C6orf132: variants seen among roughly 807,000 people sequenced by gnomAD.
C6orf132 encodes the protein chromosome 6 open reading frame 132.
In C6orf132, 43 loss-of-function variants were observed where a neutral mutation model predicts 65.3. The ratio of observed to expected loss-of-function variants is 0.66; its 90% CI spans 0.52 to 0.85. The LOEUF (loss-of-function observed/expected upper bound fraction) is 0.85, where lower values mean the gene tolerates loss of function less well. C6orf132 is among the 40% of genes least tolerant of loss of function. The probability of loss-of-function intolerance (pLI) is 0.00; values close to 1 mark genes in which losing one functional copy is unlikely to be tolerated. For missense variants in C6orf132, 1,488 were observed against 1,548.8 expected (o/e 0.96, Z 0.66); for synonymous variants, 631 against 654.1 (o/e 0.96, Z 0.54).
At position 42,103,135 on chromosome 6, in the gene C6orf132, G is replaced by A. The variant is rs943467156; in HGVS notation, c.*626C>T. 15 of 398,578 alleles carry A rather than the reference G, an allele frequency of 3.8e-5. No homozygotes were observed. Among genetic ancestry groups the A allele is most frequent in the African/African-American group, 1.0e-4 (5 of 48,634 alleles). 24.7% of individuals were successfully genotyped at this position (398,578 alleles called of 1,614,324 possible). On this transcript the variant is annotated 3_prime_UTR_variant, in exon 5 of 5. Transcript: ENST00000341865. ...AATGCAAAGGGCTTCCATTCCACAT[G>A]TGGGAGCTTCACTCCCCACCCCACA... is the stretch of plus-strand genomic sequence containing the variant.
intron 1 of C6orf132, 41 bp from the exon 2 acceptor site, chr6:42,128,819 C>T: frequency 1.4e-6 from 2 of 1,463,208 alleles, no homozygotes; most frequent in Non-Finnish European, 1.9e-6. Context: ...GCTGGAGATC[C>T]AAGGCATCCG....
At chr6:42,111,693 G>A (rs1450104992) in intron 2 of C6orf132, among the ~76,000 whole-genome samples, 2 of 152,172 alleles carry the variant, frequency 1.3e-5, no homozygotes, top group African/African-American at 2.4e-5. Context: ...CCAAAGTGTG[G>A]GGATAACAGG....
At chr6:42,125,601 G>T (rs978351202) in intron 2 of C6orf132, among the ~76,000 whole-genome samples, 1 of 152,192 alleles carries the variant, frequency 6.6e-6, no homozygotes, top group Admixed American at 6.5e-5. Flanking sequence ...TTCACCATGT[G>T]TCCATTCTTT....
chr6:42,126,847 C>CAAAAAAAA, intron 2 of C6orf132: 1 of 347,268 alleles, frequency 2.9e-6, no homozygotes, highest in South Asian at 6.8e-5. Flanking sequence ...ACTCAGTCTG[C>CAAAAAAAA]AAAAAAAAAA....
intron 2 of C6orf132, among the ~76,000 whole-genome samples, chr6:42,115,916 TTTTTTC>T (rs1158350802): frequency 5.4e-5 from 8 of 147,592 alleles, no homozygotes; most frequent in East Asian, 4.0e-4. Flanking sequence ...TTTTTTTTTC[TTTTTTC>T]TTTTTCTTTT....
intron 3 of C6orf132, among the ~76,000 whole-genome samples, chr6:42,108,774 C>T (rs972790218): frequency 3.9e-5 from 6 of 152,106 alleles, no homozygotes; most frequent in Admixed American, 1.3e-4. Context: ...CCAGAGTCTA[C>T]TTCCTTCTTA....
At chr6:42,126,401 T>G (rs113099010) in intron 2 of C6orf132, 22,690 of 151,614 alleles carry the variant, frequency 0.15, 1,811 homozygotes, top group South Asian at 0.24. Context: ...TTATTTGTTT[T>G]TTTTTTTTTA....
intron 3 of C6orf132, among the ~76,000 whole-genome samples, chr6:42,109,356 C>T (rs753453543): frequency 5.3e-5 from 8 of 152,178 alleles, no homozygotes; most frequent in South Asian, 2.1e-4. Flanking sequence ...TGCTTGAACC[C>T]GGGAGGCAGA....
chr6:42,103,764 G>A lies in C6orf132; in HGVS notation c.3564C>T (p.Ser1188=), dbSNP rs769717670. ...TAGAGCTAAGAGAACCCCTGGCTCAGGAGGTGGCTTTCCGATGGGCCCCTG... is the reference window on the plus strand; with the variant it reads ...TAGAGCTAAGAGAACCCCTGGCTCAAGAGGTGGCTTTCCGATGGGCCCCTG... ...VCSGAHRKAT[S] The change falls in exon 5 of 5, where the codon TCC becomes TCT. Residue 1188 remains serine (S), a synonymous_variant. Coordinates refer to ENST00000341865, the MANE Select transcript of C6orf132 (RefSeq NM_001164446.3). 4.1e-5 allele frequency: 58 copies of A among 1,413,966 alleles called. No homozygotes were observed. In the South Asian group the frequency reaches 8.4e-4, roughly 20 times the overall value. 87.6% of individuals were successfully genotyped at this position (1,413,966 alleles called of 1,614,324 possible). A position where few individuals can be genotyped will look rare whatever the true frequency, so the allele number is the denominator to read the frequency against.
chr6:42,111,062 C>A (rs1263158808), intron 2 of C6orf132, among the ~76,000 whole-genome samples: 2 of 152,104 alleles, frequency 1.3e-5, no homozygotes, highest in Non-Finnish European at 2.9e-5. Context: ...TCAGCCTGGC[C>A]TCCTGTGTGT....
Position 42,113,885 on chromosome 6 carries a change from T to C in C6orf132, c.253-3594A>G, listed in dbSNP as rs910833909. Among the ~76,000 whole-genome samples the C allele has an allele frequency of 5.3e-5, 8 of 151,944 alleles. No homozygotes were observed. The South Asian group carries it at 1.0e-3, about 20-fold the overall frequency. On this transcript the variant is annotated intron_variant, in intron 2 of 4. Transcript: ENST00000341865. Reference sequence around the variant, plus strand: ...CAATAGTTCCTACTTTGCAGGGCTATTATGAGAATCAAATGAGATAATATC... The same window carrying C: ...CAATAGTTCCTACTTTGCAGGGCTACTATGAGAATCAAATGAGATAATATC...
At chr6:42,141,854 G>GA (rs1767037184) in intron 1 of C6orf132, among the ~76,000 whole-genome samples, 1 of 152,204 alleles carries the variant, frequency 6.6e-6, no homozygotes, top group Non-Finnish European at 1.5e-5. Context: ...TGCAAAGGGT[G>GA]AGGGAGGAGT....
In C6orf132 at chr6:42,108,494, ACCT is replaced by A. The variant is rs1173597987; in HGVS notation, c.329-914_329-912del. Among the ~76,000 whole-genome samples, 4 of 152,050 alleles carry A rather than the reference ACCT, an allele frequency of 2.6e-5. No homozygotes were observed. In the East Asian group the frequency reaches 5.8e-4, roughly 22 times the overall value. ...GGAAGTCATGGGGCAGGGGCGAGAG[ACCT>A]CCTCAGTGAGGAAGGCTGGGTGAGA... is the stretch of plus-strand genomic sequence containing the variant. On this transcript the variant is annotated intron_variant, in intron 3 of 4. Transcript: ENST00000341865.
intron 1 of C6orf132, among the ~76,000 whole-genome samples, chr6:42,131,897 C>T (rs957861185): frequency 2.6e-5 from 4 of 152,230 alleles, no homozygotes; most frequent in African/African-American, 9.6e-5. Flanking sequence ...TGGCTCCTCT[C>T]GCTACCAGGC....
At chr6:42,138,879 A>ACACC (rs1347206592) in intron 1 of C6orf132, among the ~76,000 whole-genome samples, 1 of 151,690 alleles carries the variant, frequency 6.6e-6, no homozygotes, top group South Asian at 2.1e-4. Context: ...ACACACACAC[A>ACACC]CACTCGTGTG....
chr6:42,138,557 G>A (rs1766986920), intron 1 of C6orf132, among the ~76,000 whole-genome samples: 1 of 152,180 alleles, frequency 6.6e-6, no homozygotes, highest in African/African-American at 2.4e-5. Context: ...AAAGCACTGG[G>A]ATTACAGGCG....
At chr6:42,111,669 C>T (rs970561793) in intron 2 of C6orf132, among the ~76,000 whole-genome samples, 1 of 152,156 alleles carries the variant, frequency 6.6e-6, no homozygotes, top group African/African-American at 2.4e-5. Flanking sequence ...AAGTAATCCG[C>T]CCACCTTGGC....
intron 2 of C6orf132, among the ~76,000 whole-genome samples, chr6:42,111,734 ATATT>A (rs987751455): frequency 2.0e-5 from 3 of 152,198 alleles, no homozygotes; most frequent in African/African-American, 2.4e-5. Flanking sequence ...CTGAACTTGA[ATATT>A]TATAGCTCTA....
At position 42,130,350 on chromosome 6, in the gene C6orf132, A is replaced by G. The variant is rs527758694; in HGVS notation, c.146-1572T>C. 3.9e-5 allele frequency among the ~76,000 whole-genome samples: 6 copies of G among 152,304 alleles called. No individual in the cohort carries two copies. The East Asian group carries it at 1.2e-3, about 29-fold the overall frequency. ...AGCTGTAAGATCTGACTCAATGGGA[A>G]ACAACAAAAGTAGCTCACACCCAAC... On this transcript the variant is annotated intron_variant, in intron 1 of 4. Transcript: ENST00000341865.
Sources: gnomAD v4.1 joint callset for allele counts (sites outside exome capture counted in the v4.1 genomes callset) on GRCh38, gnomAD v4.1.1 for gene constraint, MANE v1.5 for transcripts, NCBI Gene and HGNC (gene_info 2026-07-23, HGNC 2026-07-21) for gene names.